CCDC12: variants seen among roughly 807,000 people sequenced by gnomAD.
The protein encoded by CCDC12 is coiled-coil domain containing 12.
Under a neutral mutation model 25.7 loss-of-function variants are expected in CCDC12, and 28 were observed. The observed-to-expected ratio is 1.09, with a 90% CI of 0.81 to 1.50. The LOEUF (loss-of-function observed/expected upper bound fraction) is 1.50, where lower values mean the gene tolerates loss of function less well. Ranked by LOEUF, CCDC12 falls within the 40% of genes most tolerant of loss-of-function variation. The probability of loss-of-function intolerance (pLI) is 0.00; values close to 1 mark genes in which losing one functional copy is unlikely to be tolerated. For missense variants in CCDC12, 198 were observed against 210.0 expected (o/e 0.94, Z 0.35); for synonymous variants, 75 against 87.7 (o/e 0.86, Z 0.81).
chr3:46,979,173 G>T (rs1382683905), upstream of CCDC12, among the ~76,000 whole-genome samples: 1 of 152,196 alleles, frequency 6.6e-6, no homozygotes, highest in East Asian at 1.9e-4. Context: ...GATCTGGGAG[G>T]GCACCGCGGC....
At chr3:46,942,727 T>C (rs988579128) in intron 1 of CCDC12, among the ~76,000 whole-genome samples, 4 of 152,164 alleles carry the variant, frequency 2.6e-5, no homozygotes. Context: ...GCTCATCTCA[T>C]GGCAACGAGG....
chr3:46,930,739 C>G (rs543900323), intron 2 of CCDC12, among the ~76,000 whole-genome samples: 20 of 152,346 alleles, frequency 1.3e-4, no homozygotes, highest in Non-Finnish European at 2.2e-4. Context: ...CTTCCCCGTC[C>G]ATCACGCTTA....
At chr3:46,943,892 T>C (rs2033808425) in intron 1 of CCDC12, among the ~76,000 whole-genome samples, 2 of 152,106 alleles carry the variant, frequency 1.3e-5, no homozygotes, top group Non-Finnish European at 1.5e-5. Flanking sequence ...GGTGAACAAA[T>C]GAACAGGCCA....
At chr3:46,976,966 A>G, upstream of CCDC12, 2 of 593,858 alleles carry the variant, frequency 3.4e-6, no homozygotes, top group Admixed American at 3.3e-5. Flanking sequence ...GCAAAAAAAA[A>G]AAAGAAAAAA....
At chr3:46,943,521 C>G (rs2033794551) in intron 1 of CCDC12, among the ~76,000 whole-genome samples, 1 of 152,228 alleles carries the variant, frequency 6.6e-6, no homozygotes, top group Non-Finnish European at 1.5e-5. Flanking sequence ...CACAGGGGTT[C>G]TGTTAACCCG....
upstream of CCDC12, chr3:46,979,518 C>G: frequency 5.5e-6 from 1 of 183,080 alleles, no homozygotes. Flanking sequence ...TCCAATGGCA[C>G]TGGTGGGGCA....
At chr3:46,939,658 G>C (rs184992352) in intron 2 of CCDC12, among the ~76,000 whole-genome samples, 45 of 152,176 alleles carry the variant, frequency 3.0e-4, no homozygotes, top group African/African-American at 1.1e-3. Flanking sequence ...GCCCAGTGCC[G>C]GCAGACCCAC....
chr3:46,980,590 G>C (rs1334981305), upstream of CCDC12, among the ~76,000 whole-genome samples: 1 of 152,108 alleles, frequency 6.6e-6, no homozygotes, highest in Non-Finnish European at 1.5e-5. Flanking sequence ...GTGAGGGTGG[G>C]TCCTTGAGGC....
intron 1 of CCDC12, among the ~76,000 whole-genome samples, chr3:46,972,361 G>A (rs1006069368): frequency 6.6e-6 from 1 of 151,778 alleles, no homozygotes; most frequent in Non-Finnish European, 1.5e-5. Flanking sequence ...AGATAATCCA[G>A]AGAATGGGAA....
Position 46,922,144 on chromosome 3 carries a change from G to A in CCDC12, c.419-5C>T, listed in dbSNP as rs1326722513. ...CCTGGCCTTTCAGCCTTTCACCTGG[G>A]ATGGATGGCAGACAGAAGGGGTGGG... On this transcript the variant is annotated splice_polypyrimidine_tract_variant and splice_region_variant and intron_variant, in intron 6 of 6. Coordinates refer to ENST00000683445, the MANE Select transcript of CCDC12 (RefSeq NM_001277074.2). 1.2e-6 allele frequency: 2 copies of A among 1,614,280 alleles called. No individual in the cohort carries two copies. The highest frequency in any genetic ancestry group is 1.7e-6 in the Non-Finnish European group (2 of 1,180,052).
At chr3:46,936,970 A>G (rs2033469181) in intron 2 of CCDC12, among the ~76,000 whole-genome samples, 1 of 152,184 alleles carries the variant, frequency 6.6e-6, no homozygotes, top group African/African-American at 2.4e-5. Context: ...GTCAGGGCAT[A>G]AGAGGAGAAA....
At chr3:46,976,956 G>T, upstream of CCDC12, 1 of 301,252 alleles carries the variant, frequency 3.3e-6, no homozygotes, top group Non-Finnish European at 4.9e-6. Flanking sequence ...TGGGGAGCCA[G>T]CAAAAAAAAA....
chr3:46,951,798 A>AAAAAAAAAAAATATATATAT, intron 1 of CCDC12, among the ~76,000 whole-genome samples: 7 of 8,468 alleles, frequency 8.3e-4, no homozygotes, highest in Non-Finnish European at 8.4e-4. Flanking sequence ...AAAAAAAAAA[A>AAAAAAAAAAAATATATATAT]ATATATATAT....
intron 1 of CCDC12, among the ~76,000 whole-genome samples, chr3:46,972,125 C>A (rs190787361): frequency 6.6e-6 from 1 of 152,162 alleles, no homozygotes; most frequent in Non-Finnish European, 1.5e-5. Flanking sequence ...GCAACAAAAT[C>A]AAAAACAGAT....
chr3:46,928,288 T>C (rs1239669685), intron 2 of CCDC12, among the ~76,000 whole-genome samples: 1 of 152,008 alleles, frequency 6.6e-6, no homozygotes, highest in African/African-American at 2.4e-5. Context: ...TTTAGAGAAG[T>C]ACCAAGACAG....
At chr3:46,959,574 G>A (rs1367959444) in intron 1 of CCDC12, among the ~76,000 whole-genome samples, 1 of 152,182 alleles carries the variant, frequency 6.6e-6, no homozygotes, top group African/African-American at 2.4e-5. Context: ...AGTTCACCCA[G>A]AGCAGCCATC....
intron 1 of CCDC12, among the ~76,000 whole-genome samples, chr3:46,951,804 T>A (rs1368132835): frequency 0.018 from 545 of 30,942 alleles, 3 homozygotes; most frequent in East Asian, 0.039. Context: ...AAAAAATATA[T>A]ATATATATAT....
Position 46,921,778 on chromosome 3 carries a change from A to G in CCDC12, c.*279T>C. The G allele has an allele frequency of 2.4e-6, 1 of 421,810 alleles. No homozygotes were observed. Among genetic ancestry groups the G allele is most frequent in the South Asian group, 3.8e-5 (1 of 26,164 alleles). 26.1% of individuals were successfully genotyped at this position (421,810 alleles called of 1,614,324 possible). On this transcript the variant is annotated 3_prime_UTR_variant, in exon 7 of 7. Transcript: ENST00000683445. ...TTTCTATTTCCAGATTTTTTTTTAG[A>G]AAGTTCAAAATATATACATATATAC...
At chr3:46,951,217 G>A (rs1001492691) in intron 1 of CCDC12, among the ~76,000 whole-genome samples, 1 of 152,152 alleles carries the variant, frequency 6.6e-6, no homozygotes, top group African/African-American at 2.4e-5. Context: ...AGAGGCTGGA[G>A]TTGCAGGAGA....
Sources: gnomAD v4.1 joint callset for allele counts (sites outside exome capture counted in the v4.1 genomes callset) on GRCh38, gnomAD v4.1.1 for gene constraint, MANE v1.5 for transcripts, NCBI Gene and HGNC (gene_info 2026-07-23, HGNC 2026-07-21) for gene names.